The following FRYL variants were observed in gnomAD, a reference collection of about 807,000 sequenced individuals.
The protein encoded by FRYL is protein furry homolog-like.
In FRYL, 150 loss-of-function variants were observed where a neutral mutation model predicts 351.2. The ratio of observed to expected loss-of-function variants is 0.43; its 90% CI spans 0.37 to 0.49. The LOEUF is 0.49. Among genes scored for constraint, FRYL ranks in the 20% least tolerant of loss-of-function variants. The pLI is 0.00. For missense variants in FRYL, 3,036 were observed against 3,619.3 expected, an observed-to-expected ratio of 0.84 and a Z score of 4.13; for synonymous variants, 1,153 against 1,257.1, an observed-to-expected ratio of 0.92 and a Z score of 1.75.
At chr4:48,759,851 G>A (rs1774216205) in intron 1 of FRYL, among the ~76,000 whole-genome samples, 1 of 152,150 alleles carries the variant, frequency 6.6e-6, no homozygotes. Context: ...AAGGTCAGCT[G>A]ATTAGCAACT....
At chr4:48,712,853 GA>G (rs1246275214) in intron 1 of FRYL, among the ~76,000 whole-genome samples, 1 of 152,164 alleles carries the variant, frequency 6.6e-6, no homozygotes, top group African/African-American at 2.4e-5. Context: ...CCCACAAAGG[GA>G]AGCCCATCAG....
At chr4:48,671,150 G>C (rs1762595703) in intron 3 of FRYL, among the ~76,000 whole-genome samples, 1 of 152,070 alleles carries the variant, frequency 6.6e-6, no homozygotes, top group Non-Finnish European at 1.5e-5. Context: ...TTTTTAACTG[G>C]AGTGAGATGA....
rs1725235518 is a variant in FRYL at position 48,522,994 on chromosome 4, G to A, written c.7428C>T (p.Pro2476=). 1 of 1,613,770 alleles carries A rather than the reference G, an allele frequency of 6.2e-7. No individual in the cohort carries two copies. The highest frequency in any genetic ancestry group is 1.3e-5 in the African/African-American group (1 of 75,010). Residue 2476 remains proline (P), a synonymous_variant, in exon 54 of 64, where the codon CCC becomes CCT. Transcript: ENST00000358350. ...LQEYQCSSST[P]SLNLTNQEDT... is the part of the protein sequence containing the mutation. Reference sequence around the variant, plus strand: ...CCTCCTGATTGGTGAGGTTCAGGCTGGGGGTGCTACTAGAGCACTGGTACT... The same window carrying A: ...CCTCCTGATTGGTGAGGTTCAGGCTAGGGGTGCTACTAGAGCACTGGTACT...
At chr4:48,632,147 A>G (rs1753335533) in intron 4 of FRYL, among the ~76,000 whole-genome samples, 1 of 136,942 alleles carries the variant, frequency 7.3e-6, no homozygotes, top group African/African-American at 2.7e-5. Flanking sequence ...CAAAATCTCA[A>G]ATATATAAAT....
chr4:48,575,574 G>A (rs1215706305), intron 24 of FRYL, among the ~76,000 whole-genome samples: 4 of 152,184 alleles, frequency 2.6e-5, no homozygotes, highest in South Asian at 4.1e-4. Flanking sequence ...AGTCATCAGT[G>A]CTAAAGTCAG....
intron 3 of FRYL, among the ~76,000 whole-genome samples, chr4:48,676,134 G>A (rs1045895806): frequency 6.6e-6 from 1 of 152,148 alleles, no homozygotes; most frequent in African/African-American, 2.4e-5. Context: ...TGTGGGTGGG[G>A]CCAGATAAGA....
At position 48,502,841 on chromosome 4, in the gene FRYL, ATT is replaced by A; in HGVS notation, c.8466_8467del (p.Gln2822HisfsTer29). On this transcript the variant is annotated frameshift_variant and splice_region_variant, in exon 61 of 64. Coordinates refer to ENST00000358350, the MANE Select transcript of FRYL (RefSeq NM_015030.2). LOFTEE classifies it high-confidence loss of function. ...CAGGTCACTTACTGCTAGTATTTCC[ATT>A]TGCTAAGCAAGAAGGTGATCAGGTC... The A allele has an allele frequency of 1.9e-6, 3 of 1,610,686 alleles. No individual in the cohort carries two copies. The highest frequency in any genetic ancestry group is 2.5e-6 in the Non-Finnish European group (3 of 1,177,760).
chr4:48,627,337 T>A (rs576040750), intron 4 of FRYL, among the ~76,000 whole-genome samples: 123 of 152,264 alleles, frequency 8.1e-4, no homozygotes, highest in African/African-American at 2.9e-3. Context: ...AGCTTTAACA[T>A]TTTGAGGACT....
intron 56 of FRYL, among the ~76,000 whole-genome samples, chr4:48,513,646 C>T (rs1722946187): frequency 6.6e-6 from 1 of 152,126 alleles, no homozygotes; most frequent in African/African-American, 2.4e-5. Flanking sequence ...TCCATATGCA[C>T]TGGAATGCAT....
intron 1 of FRYL, among the ~76,000 whole-genome samples, chr4:48,775,166 T>A (rs1775879155): frequency 2.0e-5 from 3 of 152,218 alleles, no homozygotes; most frequent in African/African-American, 7.2e-5. Context: ...TTAACCCACC[T>A]CCTGTGGAAG....
chr4:48,712,074 C>T (rs1768124256), intron 1 of FRYL, among the ~76,000 whole-genome samples: 2 of 152,170 alleles, frequency 1.3e-5, no homozygotes, highest in South Asian at 4.1e-4. Context: ...CTGTGCATCA[C>T]CATCATCAAA....
chr4:48,527,998 T>C lies in FRYL; in HGVS notation c.7113A>G (p.Pro2371=). The change falls in exon 52 of 64, where the codon CCA becomes CCG. Residue 2371 remains proline, a synonymous_variant. Coordinates refer to ENST00000358350, the MANE Select transcript of FRYL (RefSeq NM_015030.2). ...KLMNVLSLCG[P]ESGLPKNPSV... is the part of the protein sequence containing the mutation. ...ATGGGTTCTTTGGGAGGCCAGATTC[T>C]GGACCACAGAGAGAAAGCACATTCA... is the stretch of plus-strand genomic sequence containing the variant. 2 of 1,580,198 alleles carry C rather than the reference T, an allele frequency of 1.3e-6. No individual in the cohort carries two copies. Among genetic ancestry groups the C allele is most frequent in the Non-Finnish European group, 1.7e-6 (2 of 1,170,736 alleles).
intron 54 of FRYL, 144 bp from the exon 55 acceptor site, chr4:48,521,359 C>T (rs950775935): frequency 8.1e-6 from 5 of 618,486 alleles, no homozygotes; most frequent in African/African-American, 1.8e-5. Flanking sequence ...TTCCAGTCTA[C>T]ACCAGAATGG....
rs79564657 is a variant in FRYL at position 48,536,920 on chromosome 4, T to C, written c.6394-1093A>G. Among the ~76,000 whole-genome samples, 251 of 152,238 alleles carry C rather than the reference T, an allele frequency of 1.6e-3. 2 individuals carry two copies. The highest frequency in any genetic ancestry group is 5.8e-3 in the African/African-American group (242 of 41,536). Reference sequence around the variant, plus strand: ...ATTATCATGGAACAAGCACAAAATATAAAGGTTATGCAAGGTCGTGCATAG... The same window carrying C: ...ATTATCATGGAACAAGCACAAAATACAAAGGTTATGCAAGGTCGTGCATAG... On this transcript the variant is annotated intron_variant, in intron 47 of 63. Coordinates refer to ENST00000358350, the MANE Select transcript of FRYL (RefSeq NM_015030.2).
intron 10 of FRYL, among the ~76,000 whole-genome samples, chr4:48,606,065 G>A (rs1190953495): frequency 1.5e-5 from 2 of 137,842 alleles, no homozygotes; most frequent in Non-Finnish European, 3.0e-5. Context: ...AGACCAGCCT[G>A]GCCAACATGG....
chr4:48,630,532 G>C (rs1464464360), intron 4 of FRYL, among the ~76,000 whole-genome samples: 1 of 152,022 alleles, frequency 6.6e-6, no homozygotes, highest in Admixed American at 6.6e-5. Context: ...AGATAAACTT[G>C]GATATACCTA....
In FRYL at chr4:48,522,881, A is replaced by G; in HGVS notation, c.7521+20T>C. 1.9e-6 allele frequency: 3 copies of G among 1,585,000 alleles called. No individual in the cohort carries two copies. Among genetic ancestry groups the G allele is most frequent in the Non-Finnish European group, 2.6e-6 (3 of 1,153,534 alleles). ...GGAAAATGAGACCAAATGTCACTGT[A>G]AGAAAAGTGAATTGTATACCATCTG... On this transcript the variant is annotated intron_variant, in intron 54 of 63. Coordinates refer to ENST00000358350, the MANE Select transcript of FRYL (RefSeq NM_015030.2).
intron 1 of FRYL, among the ~76,000 whole-genome samples, chr4:48,765,923 C>A (rs1378005603): frequency 1.3e-5 from 2 of 152,016 alleles, no homozygotes; most frequent in Non-Finnish European, 2.9e-5. Flanking sequence ...CAGGGAAATG[C>A]AAAGTAAAAA....
chr4:48,597,820 G>A (rs1029126295), intron 13 of FRYL, among the ~76,000 whole-genome samples: 15 of 152,040 alleles, frequency 9.9e-5, no homozygotes, highest in Admixed American at 3.3e-4. Flanking sequence ...TGGCATTCAC[G>A]CAATGACCAA....
Sources: gnomAD v4.1 joint callset for allele counts (sites outside exome capture counted in the v4.1 genomes callset) on GRCh38, gnomAD v4.1.1 for gene constraint, MANE v1.5 for transcripts, NCBI Gene and HGNC (gene_info 2026-07-23, HGNC 2026-07-21) for gene names.